The following RASAL2 variants were observed in gnomAD, a reference collection of about 807,000 sequenced individuals.
RASAL2 encodes the protein RAS protein activator like 2, also known as ras GTPase-activating protein nGAP.
In RASAL2, 58 loss-of-function variants were observed where a neutral mutation model predicts 128.9. That is an observed-to-expected ratio of 0.45 (90% CI 0.36 to 0.56). The LOEUF is 0.56. Ranked by LOEUF, RASAL2 falls within the 20% of genes least tolerant of loss-of-function variation. The pLI is 0.00. For missense variants in RASAL2, 1,360 were observed against 1,601.6 expected (o/e 0.85, Z 2.57); for synonymous variants, 561 against 580.8 (o/e 0.97, Z 0.49).
chr1:178,206,628 C>T (rs1481419287), intron 1 of RASAL2, among the ~76,000 whole-genome samples: 1 of 152,140 alleles, frequency 6.6e-6, no homozygotes, highest in African/African-American at 2.4e-5. Context: ...TTTTTCCATC[C>T]TAGTCACTAC....
intron 1 of RASAL2, among the ~76,000 whole-genome samples, chr1:178,231,563 C>T (rs1232396243): frequency 2.0e-5 from 3 of 151,996 alleles, no homozygotes; most frequent in Non-Finnish European, 4.4e-5. Context: ...TTACCATTTT[C>T]CTGTATTAGT....
chr1:178,456,936 A>G, intron 13 of RASAL2, 37 bp downstream of exon 13: 3 of 1,585,076 alleles, frequency 1.9e-6, no homozygotes, highest in Non-Finnish European at 1.7e-6. Context: ...TCTCGGAGAA[A>G]CATAATGTTT....
At chr1:178,202,863 G>A (rs1662919686) in intron 1 of RASAL2, among the ~76,000 whole-genome samples, 2 of 152,228 alleles carry the variant, frequency 1.3e-5, no homozygotes, top group South Asian at 4.1e-4. Context: ...ATGGGCCCAT[G>A]AACAAAGTGG....
chr1:178,408,622 TTTTG>T (rs1442159333), intron 4 of RASAL2, among the ~76,000 whole-genome samples: 3 of 151,810 alleles, frequency 2.0e-5, no homozygotes, highest in African/African-American at 7.3e-5. Context: ...GTTTTTTGTT[TTTTG>T]TTTTGCTTCT....
intron 1 of RASAL2, among the ~76,000 whole-genome samples, chr1:178,257,767 G>A (rs762202143): frequency 2.0e-5 from 3 of 150,858 alleles, no homozygotes; most frequent in East Asian, 2.0e-4. Flanking sequence ...ACCTGAGCCC[G>A]TGAGTTGAGG....
At chr1:178,106,391 T>C (rs1659090908) in intron 1 of RASAL2, among the ~76,000 whole-genome samples, 2 of 152,212 alleles carry the variant, frequency 1.3e-5, no homozygotes, top group South Asian at 4.1e-4. Context: ...TTTGTAAATT[T>C]CAAGACTGCC....
At chr1:178,201,560 G>A (rs183397796) in intron 1 of RASAL2, among the ~76,000 whole-genome samples, 16 of 152,328 alleles carry the variant, frequency 1.1e-4, no homozygotes, top group Admixed American at 9.2e-4. Context: ...AACTGCAGTC[G>A]TTCAACTACA....
chr1:178,118,846 A>G (rs1477863036), intron 1 of RASAL2, among the ~76,000 whole-genome samples: 1 of 120,104 alleles, frequency 8.3e-6, no homozygotes, highest in Admixed American at 9.9e-5. Context: ...TATGTCACAC[A>G]ATTGAGCAGG....
At chr1:178,099,290 G>A (rs1201148070) in intron 1 of RASAL2, among the ~76,000 whole-genome samples, 4 of 152,168 alleles carry the variant, frequency 2.6e-5, no homozygotes, top group Non-Finnish European at 5.9e-5. Flanking sequence ...TTAGGATGTG[G>A]CATAGGCTTG....
At chr1:178,438,033 G>A (rs1481962074) in intron 5 of RASAL2, among the ~76,000 whole-genome samples, 1 of 150,654 alleles carries the variant, frequency 6.6e-6, no homozygotes, top group East Asian at 2.0e-4. Context: ...TATAAATGTT[G>A]ACTTTTTTAC....
chr1:178,282,668 T>G (rs1666838761), intron 1 of RASAL2, among the ~76,000 whole-genome samples: 1 of 152,176 alleles, frequency 6.6e-6, no homozygotes, highest in Non-Finnish European at 1.5e-5. Context: ...AGTTTTTACT[T>G]TAGCATAATA....
At chr1:178,273,340 G>T (rs1666349009) in intron 1 of RASAL2, among the ~76,000 whole-genome samples, 1 of 152,144 alleles carries the variant, frequency 6.6e-6, no homozygotes, top group South Asian at 2.1e-4. Context: ...TATGATAATG[G>T]TGTTAGTTTT....
intron 4 of RASAL2, chr1:178,411,469 G>A (rs1415123888): frequency 8.1e-6 from 4 of 493,870 alleles, no homozygotes; most frequent in South Asian, 6.1e-5. Context: ...CAGGTGATGG[G>A]TGCCCCAAAA....
chr1:178,389,403 A>G (rs1672765652), intron 3 of RASAL2: 13 of 412,340 alleles, frequency 3.2e-5, no homozygotes, highest in Non-Finnish European at 4.2e-5. Flanking sequence ...AATCTTAAAA[A>G]TGTAGCCTTA....
At chr1:178,390,385 A>G (rs181574246) in intron 4 of RASAL2, among the ~76,000 whole-genome samples, 179 bp downstream of exon 4, 284 of 152,158 alleles carry the variant, frequency 1.9e-3, no homozygotes, top group African/African-American at 6.4e-3. Flanking sequence ...ATTGTCAACT[A>G]CTTTCTTTTT....
intron 1 of RASAL2, among the ~76,000 whole-genome samples, chr1:178,261,640 G>A (rs1425449316): frequency 1.3e-5 from 2 of 152,116 alleles, no homozygotes; most frequent in Non-Finnish European, 2.9e-5. Context: ...TAGAAGTGTT[G>A]GATGGGCGTG....
chr1:178,253,499 A>G (rs1665155731), intron 1 of RASAL2, among the ~76,000 whole-genome samples: 1 of 152,166 alleles, frequency 6.6e-6, no homozygotes, highest in African/African-American at 2.4e-5. Context: ...CACTCGTGTC[A>G]GTGTGAAGAG....
At chr1:178,406,882 A>G (rs1287536556) in intron 4 of RASAL2, among the ~76,000 whole-genome samples, 2 of 151,892 alleles carry the variant, frequency 1.3e-5, no homozygotes, top group Non-Finnish European at 2.9e-5. Flanking sequence ...GTCAACATCA[A>G]TTAGATCTGA....
intron 1 of RASAL2, among the ~76,000 whole-genome samples, chr1:178,172,912 T>A (rs1227320640): frequency 1.3e-5 from 2 of 152,178 alleles, no homozygotes; most frequent in African/African-American, 4.8e-5. Flanking sequence ...AGACTTCATC[T>A]ATTTACCTGG....
Sources: allele counts gnomAD v4.1 joint callset (sites outside exome capture counted in the v4.1 genomes callset), GRCh38; gene constraint gnomAD v4.1.1; transcripts MANE v1.5; gene names NCBI Gene and HGNC (gene_info 2026-07-23, HGNC 2026-07-21).